The following ROCK1 variants were observed in gnomAD, a reference collection of about 807,000 sequenced individuals.
ROCK1 encodes Rho associated coiled-coil containing protein kinase 1.
A neutral mutation model predicts 196.8 loss-of-function variants in ROCK1; 36 were observed. The ratio of observed to expected loss-of-function variants is 0.18; its 90% CI spans 0.14 to 0.24. The LOEUF is 0.24. Ranked by LOEUF, ROCK1 falls within the 10% of genes least tolerant of loss-of-function variation. The pLI, the probability that ROCK1 is intolerant of heterozygous loss-of-function variation, is 1.00. For missense variants in ROCK1, 920 were observed against 1,562.0 expected (o/e 0.59, Z 6.93); for synonymous variants, 443 against 515.9 (o/e 0.86, Z 1.91).
intron 30 of ROCK1, 53 bp from the exon 31 acceptor site, chr18:20,955,097 A>T: frequency 3.9e-6 from 6 of 1,526,766 alleles, no homozygotes; most frequent in Non-Finnish European, 5.3e-6. Flanking sequence ...AAGCATTGGT[A>T]TATTTTACAT....
intron 1 of ROCK1, among the ~76,000 whole-genome samples, chr18:21,108,602 C>T (rs1332535945): frequency 2.6e-5 from 4 of 152,314 alleles, no homozygotes; most frequent in Non-Finnish European, 4.4e-5. Context: ...CCAGGCTCAA[C>T]CTCTTTAGAG....
At position 20,959,926 on chromosome 18, in the gene ROCK1, A is replaced by T; in HGVS notation, c.3426T>A (p.Tyr1142Ter). 1 of 1,583,556 alleles carries T rather than the reference A, an allele frequency of 6.3e-7. No homozygotes were observed. The highest frequency in any genetic ancestry group is 8.7e-7 in the Non-Finnish European group (1 of 1,155,434). ...AAATTTTTTTGCTGCTTACCACAACATACTGAAATAAGAAAAAGGGGGGAA... is the reference window on the plus strand; with the variant it reads ...AAATTTTTTTGCTGCTTACCACAACTTACTGAAATAAGAAAAAGGGGGGAA... Reference protein sequence around the residue: ...NIKRYGWKKQYVVVSSKKILF... With the variant: ...NIKRYGWKKQ The change falls in exon 29 of 33, where the codon TAT becomes TAA. Residue 1142 changes from tyrosine to a stop codon, truncating the protein, a stop_gained and splice_region_variant. Transcript: ENST00000399799. LOFTEE classifies it high-confidence loss of function.
intron 14 of ROCK1, among the ~76,000 whole-genome samples, chr18:21,007,091 T>C (rs2035775046): frequency 6.6e-6 from 1 of 152,140 alleles, no homozygotes; most frequent in Non-Finnish European, 1.5e-5. Flanking sequence ...ATATTATTTA[T>C]TTTTCAAGAG....
intron 18 of ROCK1, among the ~76,000 whole-genome samples, chr18:20,990,594 T>C (rs2035615752): frequency 1.4e-5 from 2 of 141,112 alleles, no homozygotes; most frequent in South Asian, 4.8e-4. Context: ...CTCGGGAGGC[T>C]GAGGCAGGAG....
chr18:20,972,875 A>T (rs1428421520), intron 22 of ROCK1, among the ~76,000 whole-genome samples: 1 of 152,200 alleles, frequency 6.6e-6, no homozygotes, highest in African/African-American at 2.4e-5. Flanking sequence ...GATGGTGGCT[A>T]CCATGTAGAT....
intron 7 of ROCK1, 131 bp downstream of exon 7, chr18:21,042,434 G>T (rs2036115201): frequency 8.9e-7 from 1 of 1,125,888 alleles, no homozygotes; most frequent in Non-Finnish European, 1.2e-6. Context: ...TACGAAGCAG[G>T]TTTGGATCAT....
At chr18:21,074,749 T>C (rs1372135258) in intron 1 of ROCK1, among the ~76,000 whole-genome samples, 1 of 152,154 alleles carries the variant, frequency 6.6e-6, no homozygotes, top group East Asian at 1.9e-4. Flanking sequence ...AAAAAATACT[T>C]CCTGTCTCTC....
At chr18:20,973,851 G>A (rs2035453795) in intron 22 of ROCK1, among the ~76,000 whole-genome samples, 2 of 150,584 alleles carry the variant, frequency 1.3e-5, no homozygotes, top group South Asian at 4.2e-4. Context: ...CTGGAGTGCA[G>A]TGGTGTGATC....
chr18:20,959,094 ATATATATATTATATATATATTATAT>A (rs2035291096), intron 29 of ROCK1, among the ~76,000 whole-genome samples: 1 of 45,094 alleles, frequency 2.2e-5, no homozygotes, highest in African/African-American at 1.8e-4. Context: ...ATTTTATATA[ATATATATATTATATATATATTATAT>A]AATATATATA....
At chr18:21,021,341 GAGC>G (rs2035911395) in intron 11 of ROCK1, among the ~76,000 whole-genome samples, 1 of 152,108 alleles carries the variant, frequency 6.6e-6, no homozygotes, top group East Asian at 1.9e-4. Context: ...TACAGAGAAA[GAGC>G]AGAGAGCCAA....
rs751416389 is a variant in ROCK1, at chr18:21,048,951, T to A, written c.414+141A>T. ...CTAGAAATGATTCAATACAATTAAA[T>A]TTTAAGATTTAAAAGGTAATTAGAC... On this transcript the variant is annotated intron_variant, in intron 4 of 32. Transcript: ENST00000399799. 2.3e-4 allele frequency: 139 copies of A among 596,206 alleles called. 1 individual carries two copies. Among genetic ancestry groups the A allele is most frequent in the Non-Finnish European group, 4.6e-5 (18 of 391,180 alleles). The allele number at this position is 596,206 out of a possible 1,614,324, so 36.9% of individuals were successfully genotyped here.
chr18:21,105,399 C>T (rs559586732), intron 1 of ROCK1, among the ~76,000 whole-genome samples: 42 of 152,154 alleles, frequency 2.8e-4, no homozygotes, highest in Non-Finnish European at 5.7e-4. Flanking sequence ...ATACTAATAA[C>T]ACCTATTAAC....
intron 21 of ROCK1, 117 bp downstream of exon 21, chr18:20,982,646 T>C: frequency 1.8e-6 from 1 of 562,508 alleles, no homozygotes; most frequent in Non-Finnish European, 3.2e-6. Flanking sequence ...TCACAATGTT[T>C]ATTAGAAGAT....
At chr18:20,993,256 T>C (rs2035642076) in intron 16 of ROCK1, among the ~76,000 whole-genome samples, 1 of 152,094 alleles carries the variant, frequency 6.6e-6, no homozygotes, top group South Asian at 2.1e-4. Context: ...CAGGCTGGAG[T>C]GCAGTGGCAC....
At chr18:20,975,375 G>A (rs2035470388) in intron 22 of ROCK1, among the ~76,000 whole-genome samples, 1 of 152,124 alleles carries the variant, frequency 6.6e-6, no homozygotes, top group South Asian at 2.1e-4. Context: ...GTAGGAGAGT[G>A]ACTAATTGGT....
chr18:21,051,917 A>C (rs2143520938), intron 2 of ROCK1, among the ~76,000 whole-genome samples: 1 of 152,348 alleles, frequency 6.6e-6, no homozygotes, highest in Non-Finnish European at 1.5e-5. Flanking sequence ...TTTCAGGAAA[A>C]CTACTCTAGG....
chr18:21,111,258 C>G lies in ROCK1; in HGVS notation c.-348G>C, dbSNP rs1262784140. 8.4e-6 allele frequency: 4 copies of G among 477,940 alleles called. No homozygotes were observed. Among genetic ancestry groups the G allele is most frequent in the African/African-American group, 6.1e-5 (3 of 49,428 alleles). 29.6% of individuals were successfully genotyped at this position (477,940 alleles called of 1,614,324 possible). ...CGTCGCCATGGAGGGGTCCCCGTCC[C>G]GAGATGGGCAGGAGCGGGTAGAGAA... is the stretch of plus-strand genomic sequence containing the variant. On this transcript the variant is annotated 5_prime_UTR_variant, in exon 1 of 33. Coordinates refer to ENST00000399799, the MANE Select transcript of ROCK1 (RefSeq NM_005406.3). This position sits in a 1 kb window ranked among gnomAD's most constrained non-coding sequence, Gnocchi z 4.2.
chr18:21,107,021 G>C (rs1239384858), intron 1 of ROCK1, among the ~76,000 whole-genome samples: 1 of 152,122 alleles, frequency 6.6e-6, no homozygotes, highest in African/African-American at 2.4e-5. Context: ...CCTGGGGATG[G>C]GGACCAAGTC....
At chr18:20,984,768 T>C (rs1329662459) in intron 19 of ROCK1, among the ~76,000 whole-genome samples, 3 of 152,184 alleles carry the variant, frequency 2.0e-5, no homozygotes, top group African/African-American at 7.2e-5. Context: ...AAAATTCTGG[T>C]TCCTTTCTAC....
Sources: gnomAD v4.1 joint callset for allele counts (sites outside exome capture counted in the v4.1 genomes callset) on GRCh38, gnomAD v4.1.1 for gene constraint, Gnocchi (gnomAD v3.1) non-coding constraint, MANE v1.5 for transcripts, NCBI Gene and HGNC (gene_info 2026-07-23, HGNC 2026-07-21) for gene names.